Variants in SMU1 observed in about 807,000 individuals in gnomAD.
SMU1 encodes the protein SMU1 DNA replication regulator and spliceosomal factor.
In SMU1, 2 loss-of-function variants were observed where a neutral mutation model predicts 62.0. That is an observed-to-expected ratio of 0.03 (90% CI 0.01 to 0.10). The LOEUF (loss-of-function observed/expected upper bound fraction) is 0.10. Ranked by LOEUF, SMU1 falls within the 10% of genes least tolerant of loss-of-function variation. The pLI is 1.00. For synonymous variants in SMU1, 188 were observed against 212.4 expected, an observed-to-expected ratio of 0.89 and a Z score of 1.00; for missense variants, 227 against 622.1, an observed-to-expected ratio of 0.36 and a Z score of 6.76.
chr9:33,056,358 G>A (rs1839304051), intron 8 of SMU1, 119 bp from the exon 9 acceptor site: 8 of 1,031,144 alleles, frequency 7.8e-6, no homozygotes, highest in East Asian at 2.7e-5. Context: ...TAAGTGAAGA[G>A]GGCTATGTGA....
intron 9 of SMU1, among the ~76,000 whole-genome samples, chr9:33,055,834 G>C (rs1301141076): frequency 6.6e-6 from 1 of 152,182 alleles, no homozygotes; most frequent in East Asian, 1.9e-4. Context: ...GTGTATCTGT[G>C]AATGGGGGAT....
chr9:33,060,269 T>C (rs1839348646), intron 6 of SMU1, among the ~76,000 whole-genome samples, 196 bp downstream of exon 6: 1 of 152,212 alleles, frequency 6.6e-6, no homozygotes, highest in Non-Finnish European at 1.5e-5. Flanking sequence ...TCCTCCTGCC[T>C]CAGCCTCCTC....
intron 6 of SMU1, among the ~76,000 whole-genome samples, chr9:33,058,498 G>T (rs1402179608): frequency 6.6e-6 from 1 of 152,080 alleles, no homozygotes; most frequent in African/African-American, 2.4e-5. Context: ...TACATTTTTA[G>T]TAGAGACAAG....
At chr9:33,051,671 G>C (rs1053935667) in intron 10 of SMU1, among the ~76,000 whole-genome samples, 2 of 152,126 alleles carry the variant, frequency 1.3e-5, no homozygotes, top group African/African-American at 4.8e-5. Context: ...TATGACAATG[G>C]AAAACTGATC....
rs1839144151 is a variant in SMU1 at position 33,043,151 on chromosome 9, ACCT to A, written c.*4139_*4141del. On this transcript the variant is annotated 3_prime_UTR_variant, in exon 12 of 12. Transcript: ENST00000397149. ...CCCGGCCTATTGTAAGTTTTAAACA[ACCT>A]CAGACCAGGGAACTTCCTCACTTGG... 6.6e-6 allele frequency: 1 copy of A among 152,162 alleles called. No individual in the cohort carries two copies. The highest frequency in any genetic ancestry group is 6.5e-5 in the Admixed American group (1 of 15,274). 9.4% of individuals were successfully genotyped at this position (152,162 alleles called of 1,614,324 possible). A position where few individuals can be genotyped will look rare whatever the true frequency, so the allele number is the denominator to read the frequency against.
At chr9:33,049,196 GCTCACAATA>G (rs1839216651) in intron 10 of SMU1, among the ~76,000 whole-genome samples, 1 of 152,174 alleles carries the variant, frequency 6.6e-6, no homozygotes, top group African/African-American at 2.4e-5. Flanking sequence ...AAGTTGGAGG[GCTCACAATA>G]CCCAACTTCA....
intron 4 of SMU1, among the ~76,000 whole-genome samples, chr9:33,064,692 T>C (rs994609888): frequency 1.1e-4 from 16 of 152,098 alleles, no homozygotes; most frequent in African/African-American, 3.9e-4. Context: ...AAGACTAGTA[T>C]GCTCTCAACA....
rs3177671 is a variant in SMU1 at position 33,054,285 on chromosome 9, G to T, written c.1123-995C>A. Among the ~76,000 whole-genome samples, 423 of 151,966 alleles carry T rather than the reference G, an allele frequency of 2.8e-3. 2 individuals are homozygous for T. The highest frequency in any genetic ancestry group is 9.8e-3 in the African/African-American group (408 of 41,424). On this transcript the variant is annotated intron_variant, in intron 9 of 11. Transcript: ENST00000397149. Reference sequence around the variant, plus strand: ...CCTCTCACTTCAGCCTTCTGAGTACGGGACTACAGGCAGGTGCCAATAAGC... The same window carrying T: ...CCTCTCACTTCAGCCTTCTGAGTACTGGACTACAGGCAGGTGCCAATAAGC...
intron 3 of SMU1, among the ~76,000 whole-genome samples, chr9:33,070,206 T>A (rs1015635134): frequency 2.0e-5 from 3 of 152,048 alleles, no homozygotes; most frequent in African/African-American, 4.8e-5. Flanking sequence ...TAATCCAATG[T>A]TAAAAATGGG....
intron 3 of SMU1, 91 bp from the exon 4 acceptor site, chr9:33,069,025 A>C: frequency 6.9e-7 from 1 of 1,449,390 alleles, no homozygotes; most frequent in Non-Finnish European, 9.2e-7. Flanking sequence ...AAGCATACAC[A>C]GAGGAAAATG....
chr9:33,055,699 G>A (rs1298331172), intron 9 of SMU1, among the ~76,000 whole-genome samples: 1 of 152,096 alleles, frequency 6.6e-6, no homozygotes, highest in East Asian at 1.9e-4. Context: ...CCTAAATCTG[G>A]GGACCAGGAG....
chr9:33,067,121 A>AT (rs1373665662), intron 4 of SMU1, among the ~76,000 whole-genome samples: 3 of 152,140 alleles, frequency 2.0e-5, no homozygotes, highest in African/African-American at 7.2e-5. Flanking sequence ...ACATGTAATT[A>AT]TTTTTTAGCT....
At chr9:33,055,964 T>C in intron 9 of SMU1, 149 bp downstream of exon 9, 1 of 666,124 alleles carries the variant, frequency 1.5e-6, no homozygotes, top group Non-Finnish European at 2.3e-6. Context: ...AGAATACTGT[T>C]GTTGTCTCAG....
chr9:33,073,904 C>T, intron 1 of SMU1, 98 bp from the exon 2 acceptor site: 1 of 1,111,364 alleles, frequency 9.0e-7, no homozygotes, highest in East Asian at 2.5e-5. Context: ...CCTTTCACTA[C>T]TATTTCTTTA....
chr9:33,071,206 G>C (rs557228744), intron 3 of SMU1, among the ~76,000 whole-genome samples: 1 of 151,838 alleles, frequency 6.6e-6, no homozygotes, highest in East Asian at 1.9e-4. Flanking sequence ...GTAAAAGGCT[G>C]GGGGGGTGGG....
chr9:33,056,799 C>A (rs1839308967), intron 8 of SMU1, 38 bp downstream of exon 8: 4 of 1,603,418 alleles, frequency 2.5e-6, no homozygotes, highest in South Asian at 2.2e-5. Context: ...CTCATTATAT[C>A]AAACTCAAGT....
chr9:33,048,078 T>G (rs777259886), intron 11 of SMU1, 28 bp downstream of exon 11: 1 of 1,606,508 alleles, frequency 6.2e-7, no homozygotes, highest in East Asian at 2.2e-5. Flanking sequence ...CCATATTTCT[T>G]TAGATGAACT....
At chr9:33,064,300 A>G (rs142715143) in intron 4 of SMU1, among the ~76,000 whole-genome samples, 7 of 152,260 alleles carry the variant, frequency 4.6e-5, no homozygotes, top group African/African-American at 1.7e-4. Flanking sequence ...TCGAGTGATG[A>G]AATCTGTTTA....
chr9:33,071,833 C>T lies in SMU1; in HGVS notation c.297G>A (p.Gln99=). 6.2e-7 allele frequency: 1 copy of T among 1,606,484 alleles called. No individual in the cohort carries two copies. Among genetic ancestry groups the T allele is most frequent in the African/African-American group, 1.3e-5 (1 of 74,502 alleles). Residue 99 remains glutamine, a synonymous_variant, in exon 3 of 12, where the codon CAG becomes CAA. Transcript: ENST00000397149. The stretch of plus-strand genomic sequence containing the variant: ...GTTTTAACATGATCATGGGATCAGT[C>T]TGTCTCAAAAGTGACCTGGCAGCAC... ...ELGAARSLLR[Q]TDPMIMLKQT...
Sources: gnomAD v4.1 joint callset for allele counts (sites outside exome capture counted in the v4.1 genomes callset) on GRCh38, gnomAD v4.1.1 for gene constraint, MANE v1.5 for transcripts, NCBI Gene and HGNC (gene_info 2026-07-23, HGNC 2026-07-21) for gene names.